The following KCNIP4 variants were observed in gnomAD, a reference collection of about 807,000 sequenced individuals.
The protein encoded by KCNIP4 is Kv channel-interacting protein 4.
Under a neutral mutation model 34.0 loss-of-function variants are expected in KCNIP4, and 12 were observed. That is an observed-to-expected ratio of 0.35 (90% CI 0.23 to 0.57). The LOEUF is 0.57. Among genes scored for constraint, KCNIP4 ranks in the 20% least tolerant of loss-of-function variants. The pLI is 0.83. For missense variants in KCNIP4, 238 were observed against 311.7 expected (o/e 0.76, Z 1.78); for synonymous variants, 124 against 102.2 (o/e 1.21, Z -1.29).
chr4:21,523,891 C>G (rs1401382488), intron 1 of KCNIP4, among the ~76,000 whole-genome samples: 1 of 151,922 alleles, frequency 6.6e-6, no homozygotes, highest in Non-Finnish European at 1.5e-5. Context: ...TTTTTGACAC[C>G]TTTACATGGA....
At chr4:20,917,578 C>T (rs1050828987) in intron 1 of KCNIP4, among the ~76,000 whole-genome samples, 4 of 151,946 alleles carry the variant, frequency 2.6e-5, no homozygotes, top group Admixed American at 1.3e-4. Flanking sequence ...ATGTCCTGAA[C>T]GAAAATAAAT....
At chr4:21,402,863 C>T (rs148686782) in intron 1 of KCNIP4, among the ~76,000 whole-genome samples, 21 of 152,152 alleles carry the variant, frequency 1.4e-4, no homozygotes, top group Admixed American at 3.3e-4. Context: ...ATAATACATC[C>T]TATTTTTTAA....
chr4:21,189,001 C>T (rs1037718055), intron 1 of KCNIP4, among the ~76,000 whole-genome samples: 1 of 152,186 alleles, frequency 6.6e-6, no homozygotes, highest in African/African-American at 2.4e-5. Flanking sequence ...ACCTTACACA[C>T]TCTTTGCATA....
At position 21,317,098 on chromosome 4, in the gene KCNIP4, G is replaced by A. The variant is rs139903014; in HGVS notation, c.62-434389C>T. 3.5e-3 allele frequency among the ~76,000 whole-genome samples: 535 copies of A among 152,258 alleles called. 2 individuals carry two copies. Among genetic ancestry groups the A allele is most frequent in the Middle Eastern group, 6.8e-3 (2 of 294 alleles). On this transcript the variant is annotated intron_variant, in intron 1 of 8. Transcript: ENST00000382152. The stretch of plus-strand genomic sequence containing the variant: ...GCCATTCAGGAGATACTTACAAGAC[G>A]ATTTAGTGTTCTTGTGGGATATAAA...
At chr4:21,922,207 T>G (rs1728975590) in intron 1 of KCNIP4, among the ~76,000 whole-genome samples, 2 of 152,198 alleles carry the variant, frequency 1.3e-5, no homozygotes, top group Non-Finnish European at 2.9e-5. Flanking sequence ...AGAAGCCCTC[T>G]CTGACCAATA....
chr4:21,360,180 T>C (rs1019245347), intron 1 of KCNIP4, among the ~76,000 whole-genome samples: 6 of 152,146 alleles, frequency 3.9e-5, no homozygotes, highest in African/African-American at 7.2e-5. Flanking sequence ...ACTTATTTGA[T>C]TCTGGTAGAA....
At chr4:20,752,589 C>T (rs182688559) in intron 4 of KCNIP4, 1 of 152,172 alleles carries the variant, frequency 6.6e-6, no homozygotes, top group East Asian at 1.9e-4. Flanking sequence ...GTCTAGGTGA[C>T]GAGTTCTAAT....
At chr4:21,536,780 C>CA (rs1219647701) in intron 1 of KCNIP4, among the ~76,000 whole-genome samples, 180 of 127,860 alleles carry the variant, frequency 1.4e-3, no homozygotes, top group Middle Eastern at 4.2e-3. Context: ...GACTCTGTTT[C>CA]AAAAAAAAAA....
intron 1 of KCNIP4, among the ~76,000 whole-genome samples, chr4:21,395,741 A>G (rs1722932144): frequency 6.6e-6 from 1 of 151,960 alleles, no homozygotes; most frequent in Admixed American, 6.6e-5. Context: ...CACATATGTC[A>G]TCATCATCAT....
chr4:21,087,478 G>A (rs1173740240), intron 1 of KCNIP4, among the ~76,000 whole-genome samples: 7 of 151,974 alleles, frequency 4.6e-5, no homozygotes, highest in Non-Finnish European at 8.8e-5. Context: ...AGTAGACATG[G>A]GGTTTCATCA....
At chr4:21,282,940 C>T (rs190901363) in intron 1 of KCNIP4, among the ~76,000 whole-genome samples, 2 of 152,152 alleles carry the variant, frequency 1.3e-5, no homozygotes, top group South Asian at 4.1e-4. Flanking sequence ...ACCCAAATCT[C>T]CGTCAACTGC....
intron 1 of KCNIP4, among the ~76,000 whole-genome samples, chr4:21,370,077 T>G (rs1257063200): frequency 6.8e-6 from 1 of 147,358 alleles, no homozygotes. Flanking sequence ...TCCTCCCACC[T>G]CGGCCTCCCG....
At chr4:21,873,237 C>G (rs1048227088) in intron 1 of KCNIP4, among the ~76,000 whole-genome samples, 14 of 152,094 alleles carry the variant, frequency 9.2e-5, no homozygotes, top group Non-Finnish European at 1.6e-4. Flanking sequence ...ATACTTGAAA[C>G]GAGCTTGTAG....
chr4:20,796,487 C>G (rs1560470705), intron 3 of KCNIP4, among the ~76,000 whole-genome samples: 1 of 152,012 alleles, frequency 6.6e-6, no homozygotes, highest in South Asian at 2.1e-4. Context: ...ACACTGGGTG[C>G]TGAGGGATCA....
At chr4:20,794,455 G>A (rs947504872) in intron 3 of KCNIP4, among the ~76,000 whole-genome samples, 1 of 152,122 alleles carries the variant, frequency 6.6e-6, no homozygotes, top group African/African-American at 2.4e-5. Flanking sequence ...CTGGCTTACT[G>A]TATGTTAATT....
At chr4:21,228,236 A>G (rs1758543842) in intron 1 of KCNIP4, among the ~76,000 whole-genome samples, 1 of 152,086 alleles carries the variant, frequency 6.6e-6, no homozygotes. Context: ...TACTGTTCTC[A>G]TGATAGTGAG....
At chr4:21,496,975 A>G (rs907031036) in intron 1 of KCNIP4, among the ~76,000 whole-genome samples, 3 of 152,160 alleles carry the variant, frequency 2.0e-5, no homozygotes, top group African/African-American at 7.2e-5. Flanking sequence ...CTTACAGGAT[A>G]AAGTCCAGTT....
intron 1 of KCNIP4, among the ~76,000 whole-genome samples, chr4:20,927,652 AT>A (rs973462974): frequency 2.0e-5 from 3 of 152,106 alleles, no homozygotes; most frequent in Admixed American, 6.5e-5. Flanking sequence ...GGCAAAAAAT[AT>A]TTTTTTCTTG....
chr4:21,945,269 C>T (rs1240372280), intron 1 of KCNIP4, among the ~76,000 whole-genome samples: 1 of 152,138 alleles, frequency 6.6e-6, no homozygotes. Flanking sequence ...ATTTCCAAAC[C>T]ATCCACAGCT....
Sources: allele counts gnomAD v4.1 joint callset (sites outside exome capture counted in the v4.1 genomes callset), GRCh38; gene constraint gnomAD v4.1.1; transcripts MANE v1.5; gene names NCBI Gene and HGNC (gene_info 2026-07-23, HGNC 2026-07-21).